The following TAFA2 variants were observed in gnomAD, a reference collection of about 807,000 sequenced individuals.
The protein encoded by TAFA2 is chemokine-like protein TAFA-2.
TAFA2 carries 7 observed loss-of-function variants against 18.8 expected under a neutral mutation model. That is an observed-to-expected ratio of 0.37 (90% CI 0.21 to 0.70). The LOEUF (loss-of-function observed/expected upper bound fraction) is 0.70. Ranked by LOEUF, TAFA2 falls within the 30% of genes least tolerant of loss-of-function variation. The probability of loss-of-function intolerance (pLI) is 0.53; values close to 1 mark genes in which losing one functional copy is unlikely to be tolerated. For synonymous variants in TAFA2, 60 were observed against 54.2 expected, an observed-to-expected ratio of 1.11 and a Z score of -0.47; for missense variants, 122 against 158.1, an observed-to-expected ratio of 0.77 and a Z score of 1.23.
At chr12:61,760,593 T>C (rs1181499079) in intron 2 of TAFA2, among the ~76,000 whole-genome samples, 1 of 151,710 alleles carries the variant, frequency 6.6e-6, no homozygotes, top group African/African-American at 2.4e-5. Context: ...TAATAAATGG[T>C]AAACAAGCAA....
At chr12:62,160,179 C>G (rs1334328105) in intron 1 of TAFA2, among the ~76,000 whole-genome samples, 1 of 152,206 alleles carries the variant, frequency 6.6e-6, no homozygotes, top group Non-Finnish European at 1.5e-5. Flanking sequence ...ATGCAGCTGC[C>G]CTTTCCTCCC....
chr12:61,927,745 A>G (rs1043859703), intron 1 of TAFA2, among the ~76,000 whole-genome samples: 3 of 152,232 alleles, frequency 2.0e-5, no homozygotes, highest in Non-Finnish European at 2.9e-5. Context: ...GCATCATGCC[A>G]CTTGACTTCA....
At chr12:61,953,619 T>C (rs1031430776) in intron 1 of TAFA2, among the ~76,000 whole-genome samples, 1 of 152,172 alleles carries the variant, frequency 6.6e-6, no homozygotes, top group Non-Finnish European at 1.5e-5. Context: ...TATTAACCAG[T>C]GGCCTCGGTA....
At chr12:61,906,407 T>G (rs1192336995) in intron 1 of TAFA2, among the ~76,000 whole-genome samples, 1 of 152,208 alleles carries the variant, frequency 6.6e-6, no homozygotes, top group Non-Finnish European at 1.5e-5. Flanking sequence ...TCTTGCCTGC[T>G]GCCATGTAAG....
chr12:61,793,728 T>C (rs1474796645), intron 2 of TAFA2, among the ~76,000 whole-genome samples: 2 of 151,806 alleles, frequency 1.3e-5, no homozygotes, highest in African/African-American at 4.8e-5. Context: ...GGTATGACTA[T>C]GTCTCAACTC....
At chr12:61,845,261 C>G (rs925495895) in intron 2 of TAFA2, among the ~76,000 whole-genome samples, 7 of 152,008 alleles carry the variant, frequency 4.6e-5, no homozygotes, top group Non-Finnish European at 4.4e-5. Flanking sequence ...TGACACAGGC[C>G]ATCCAAGAAG....
chr12:62,203,660 T>C (rs532379205), intron 1 of TAFA2, among the ~76,000 whole-genome samples: 4 of 152,360 alleles, frequency 2.6e-5, no homozygotes, highest in Non-Finnish European at 5.9e-5. Context: ...TTGCAACCCC[T>C]GCTTTTTTTG....
intron 2 of TAFA2, among the ~76,000 whole-genome samples, chr12:61,766,193 T>C (rs1869781589): frequency 6.6e-6 from 1 of 152,200 alleles, no homozygotes; most frequent in South Asian, 2.1e-4. Context: ...TGGAAGATCC[T>C]TCTAAAAGTA....
chr12:61,997,298 C>T (rs1251617866), intron 1 of TAFA2, among the ~76,000 whole-genome samples: 5 of 151,332 alleles, frequency 3.3e-5, no homozygotes, highest in Non-Finnish European at 7.4e-5. Context: ...TATAGAAAAG[C>T]GATATTTGAG....
chr12:62,174,367 G>T (rs1038015448), intron 1 of TAFA2, among the ~76,000 whole-genome samples: 15 of 152,106 alleles, frequency 9.9e-5, no homozygotes, highest in African/African-American at 3.4e-4. Flanking sequence ...ATCGAGAACA[G>T]GCTGCTGGGG....
intron 1 of TAFA2, among the ~76,000 whole-genome samples, chr12:62,041,041 C>T (rs958990325): frequency 1.3e-5 from 2 of 152,022 alleles, no homozygotes; most frequent in Non-Finnish European, 1.5e-5. Context: ...TTATTCAGAC[C>T]GTTTTTATCA....
chr12:61,997,771 A>T (rs17125609), intron 1 of TAFA2, among the ~76,000 whole-genome samples: 11,438 of 152,108 alleles, frequency 0.075, 603 homozygotes, highest in South Asian at 0.13. Flanking sequence ...AAGTGGAGGG[A>T]CCTGTTAGTT....
chr12:62,180,116 AC>A (rs1159386260), intron 1 of TAFA2, among the ~76,000 whole-genome samples: 1 of 152,224 alleles, frequency 6.6e-6, no homozygotes, highest in Non-Finnish European at 1.5e-5. Context: ...GGTAAAATTC[AC>A]CAATGTGCAG....
chr12:61,720,946 G>A (rs2120594003), intron 4 of TAFA2: 1 of 517,630 alleles, frequency 1.9e-6, no homozygotes, highest in Non-Finnish European at 3.9e-6. Context: ...ACACATGTCA[G>A]GCACTCCACT....
At chr12:62,049,609 C>G (rs555607679) in intron 1 of TAFA2, among the ~76,000 whole-genome samples, 3 of 152,008 alleles carry the variant, frequency 2.0e-5, no homozygotes, top group Admixed American at 6.6e-5. Context: ...TATGAAAAAC[C>G]CTTTTTTCAT....
chr12:61,924,296 C>G (rs1388095739), intron 1 of TAFA2, among the ~76,000 whole-genome samples: 1 of 152,092 alleles, frequency 6.6e-6, no homozygotes, highest in Non-Finnish European at 1.5e-5. Context: ...GTCAGATTCT[C>G]CAAGGTTGAA....
intron 1 of TAFA2, among the ~76,000 whole-genome samples, chr12:61,923,500 C>T (rs1877147217): frequency 6.6e-6 from 1 of 152,176 alleles, no homozygotes; most frequent in East Asian, 1.9e-4. Flanking sequence ...GCAGAGGTGC[C>T]TGACTGCTAG....
At chr12:61,722,096 C>A (rs539787611) in intron 4 of TAFA2, among the ~76,000 whole-genome samples, 4 of 151,914 alleles carry the variant, frequency 2.6e-5, no homozygotes, top group East Asian at 1.9e-4. Flanking sequence ...AATAATAAAT[C>A]GTATGTAAAT....
rs534659321 is a variant in TAFA2 at position 62,094,816 on chromosome 12, G to A, written c.-2+96443C>T. Among the ~76,000 whole-genome samples, 4 of 152,068 alleles carry A rather than the reference G, an allele frequency of 2.6e-5. No homozygotes were observed. In the South Asian group the frequency reaches 8.3e-4, roughly 32 times the overall value. Reference sequence around the variant, plus strand: ...CACATAGAGCCAGAACAGGAACACAGGCAATTCAATCCAGAGCTGTTCTTT... The same window carrying A: ...CACATAGAGCCAGAACAGGAACACAAGCAATTCAATCCAGAGCTGTTCTTT... On this transcript the variant is annotated intron_variant, in intron 1 of 4. Coordinates refer to ENST00000416284, the MANE Select transcript of TAFA2 (RefSeq NM_178539.5).
Sources: allele counts gnomAD v4.1 joint callset (sites outside exome capture counted in the v4.1 genomes callset), GRCh38; gene constraint gnomAD v4.1.1; transcripts MANE v1.5; gene names NCBI Gene and HGNC (gene_info 2026-07-23, HGNC 2026-07-21).